UQCC1: variants seen among roughly 807,000 people sequenced by gnomAD.
The protein encoded by UQCC1 is bFGF-repressed Zic-binding protein.
UQCC1 carries 38 observed loss-of-function variants against 48.0 expected under a neutral mutation model. The ratio of observed to expected loss-of-function variants is 0.79; its 90% CI spans 0.61 to 1.04. UQCC1 has a LOEUF of 1.04. Ranked by LOEUF, UQCC1 falls within the 50% of genes least tolerant of loss-of-function variation. The probability of loss-of-function intolerance (pLI) is 0.00; values close to 1 mark genes in which losing one functional copy is unlikely to be tolerated. For missense variants in UQCC1, 368 were observed against 381.8 expected (o/e 0.96, Z 0.30); for synonymous variants, 111 against 129.2 (o/e 0.86, Z 0.95).
At chr20:35,353,274 G>A (rs1362879293) in intron 6 of UQCC1, among the ~76,000 whole-genome samples, 1 of 151,744 alleles carries the variant, frequency 6.6e-6, no homozygotes, top group East Asian at 1.9e-4. Context: ...GCGCGTGCCT[G>A]TAGTCCCAGC....
intron 1 of UQCC1, among the ~76,000 whole-genome samples, chr20:35,411,276 G>C (rs551752019): frequency 6.6e-6 from 1 of 152,202 alleles, no homozygotes; most frequent in East Asian, 1.9e-4. Context: ...TTCACACACG[G>C]GTGCTAAAGA....
chr20:35,407,176 C>A (rs1240063045), intron 1 of UQCC1, among the ~76,000 whole-genome samples: 1 of 152,170 alleles, frequency 6.6e-6, no homozygotes, highest in African/African-American at 2.4e-5. Flanking sequence ...ACCTGTAACC[C>A]CAGCACTCTG....
Position 35,410,704 on chromosome 20 carries a change from C to CAAAAAAAAAAAA in UQCC1, c.24+1224_24+1235dup, listed in dbSNP as rs1183843739. Among the ~76,000 whole-genome samples, 7 of 2,710 alleles carry CAAAAAAAAAAAA rather than the reference C, an allele frequency of 2.6e-3. 1 individual carries two copies. The highest frequency in any genetic ancestry group is 5.1e-3 in the African/African-American group (4 of 784). 1.8% of individuals were successfully genotyped at this position (2,710 alleles called of 152,430 possible). Reference sequence around the variant, plus strand: ...TCGGCGACAGAGCAAGACTCTGCCTCAAAAAAAAAAAAAAAAAAAACAAAA... The same window carrying CAAAAAAAAAAAA: ...TCGGCGACAGAGCAAGACTCTGCCTCAAAAAAAAAAAAAAAAAAAAAAAAAAAAAAAACAAAA... On this transcript the variant is annotated intron_variant, in intron 1 of 9. Coordinates refer to ENST00000374385, the MANE Select transcript of UQCC1 (RefSeq NM_018244.5).
At chr20:35,344,257 A>T (rs1237976457) in intron 7 of UQCC1, 1 of 152,288 alleles carries the variant, frequency 6.6e-6, no homozygotes, top group Non-Finnish European at 1.5e-5. Flanking sequence ...ATAAGAAGTA[A>T]CATGGGAGAA....
At chr20:35,403,777 T>C (rs2062204647) in intron 1 of UQCC1, among the ~76,000 whole-genome samples, 1 of 152,202 alleles carries the variant, frequency 6.6e-6, no homozygotes, top group South Asian at 2.1e-4. Context: ...TGGATGAAGC[T>C]GGAAACCATC....
At chr20:35,356,086 G>A (rs1011368869) in intron 6 of UQCC1, among the ~76,000 whole-genome samples, 1 of 152,098 alleles carries the variant, frequency 6.6e-6, no homozygotes, top group Admixed American at 6.6e-5. Context: ...ATGGGGTTTC[G>A]CCACGTTGCC....
At position 35,395,483 on chromosome 20, in the gene UQCC1, T is replaced by C. The variant is rs566427396; in HGVS notation, c.25-1287A>G. Among the ~76,000 whole-genome samples, 3 of 151,532 alleles carry C rather than the reference T, an allele frequency of 2.0e-5. No homozygotes were observed. The East Asian group carries it at 5.8e-4, about 29-fold the overall frequency. ...AAAAAAAAACCCATAAACTCATGTATGGTTGAAAGGGGCTTATTATAAATA... is the reference window on the plus strand; with the variant it reads ...AAAAAAAAACCCATAAACTCATGTACGGTTGAAAGGGGCTTATTATAAATA... On this transcript the variant is annotated intron_variant, in intron 1 of 9. Coordinates refer to ENST00000374385, the MANE Select transcript of UQCC1 (RefSeq NM_018244.5).
intron 7 of UQCC1, among the ~76,000 whole-genome samples, chr20:35,324,615 C>G (rs971740445): frequency 6.6e-6 from 1 of 152,170 alleles, no homozygotes; most frequent in South Asian, 2.1e-4. Context: ...CGTGAGCCAC[C>G]GCACCTGGCC....
At chr20:35,352,595 T>A (rs937059694) in intron 6 of UQCC1, among the ~76,000 whole-genome samples, 1 of 152,174 alleles carries the variant, frequency 6.6e-6, no homozygotes, top group Non-Finnish European at 1.5e-5. Context: ...CATAAGATTA[T>A]AATGGAGCAG....
chr20:35,316,462 G>T (rs2061060169), intron 7 of UQCC1, among the ~76,000 whole-genome samples: 1 of 152,126 alleles, frequency 6.6e-6, no homozygotes, highest in African/African-American at 2.4e-5. Context: ...GCTTCTGGGA[G>T]GATAATTTTA....
chr20:35,403,740 G>T (rs1300990713), intron 1 of UQCC1, among the ~76,000 whole-genome samples: 1 of 152,206 alleles, frequency 6.6e-6, no homozygotes, highest in Non-Finnish European at 1.5e-5. Context: ...CATAAAAAAG[G>T]ATGAGTTCAT....
At chr20:35,408,985 A>G (rs951378290) in intron 1 of UQCC1, among the ~76,000 whole-genome samples, 2 of 152,232 alleles carry the variant, frequency 1.3e-5, no homozygotes, top group African/African-American at 4.8e-5. Flanking sequence ...GAGGTACACA[A>G]AGTAGTTAAA....
At chr20:35,333,692 G>A (rs1335326747) in intron 7 of UQCC1, among the ~76,000 whole-genome samples, 1 of 152,168 alleles carries the variant, frequency 6.6e-6, no homozygotes, top group African/African-American at 2.4e-5. Flanking sequence ...AACTACTGCG[G>A]TGTACAGAGA....
chr20:35,341,774 T>A (rs147538470), intron 7 of UQCC1, among the ~76,000 whole-genome samples: 1 of 152,260 alleles, frequency 6.6e-6, no homozygotes, highest in African/African-American at 2.4e-5. Context: ...TCTAGGTGTA[T>A]GCATGGAGTG....
intron 1 of UQCC1, among the ~76,000 whole-genome samples, chr20:35,397,517 AAAAAAAAAAAAG>A (rs1375868112): frequency 7.3e-5 from 11 of 151,532 alleles, no homozygotes; most frequent in African/African-American, 2.7e-4. Context: ...CTGTCTCAAA[AAAAAAAAAAAAG>A]AAAAAAGAAA....
At chr20:35,335,417 T>C (rs1023483915) in intron 7 of UQCC1, among the ~76,000 whole-genome samples, 1 of 150,958 alleles carries the variant, frequency 6.6e-6, no homozygotes, top group African/African-American at 2.4e-5. Context: ...CAACAGACTA[T>C]CCCAAAAAGG....
At chr20:35,362,334 G>A (rs1339578366) in intron 6 of UQCC1, among the ~76,000 whole-genome samples, 3 of 152,172 alleles carry the variant, frequency 2.0e-5, no homozygotes, top group Admixed American at 6.6e-5. Context: ...TTGATCAGAT[G>A]TGAATGCCAT....
intron 1 of UQCC1, among the ~76,000 whole-genome samples, chr20:35,395,762 G>T (rs2062068585): frequency 1.3e-5 from 2 of 151,972 alleles, no homozygotes; most frequent in South Asian, 4.1e-4. Context: ...TCACATGAAT[G>T]AAGAACTTCC....
chr20:35,372,891 C>CA (rs1373706747), intron 5 of UQCC1, among the ~76,000 whole-genome samples: 1 of 152,004 alleles, frequency 6.6e-6, no homozygotes, highest in Non-Finnish European at 1.5e-5. Context: ...CACGATGCAA[C>CA]AAAAAAATAG....
Sources: gnomAD v4.1 joint callset for allele counts (sites outside exome capture counted in the v4.1 genomes callset) on GRCh38, gnomAD v4.1.1 for gene constraint, MANE v1.5 for transcripts, NCBI Gene and HGNC (gene_info 2026-07-23, HGNC 2026-07-21) for gene names.